Variants in HTR7 observed in about 807,000 individuals in gnomAD.
HTR7 encodes 5-hydroxytryptamine receptor 7.
In HTR7, 16 loss-of-function variants were observed where a neutral mutation model predicts 34.0. That is an observed-to-expected ratio of 0.47 (90% CI 0.32 to 0.71). The LOEUF (loss-of-function observed/expected upper bound fraction) is 0.71. HTR7 is among the 30% of genes least tolerant of loss of function. The probability of loss-of-function intolerance (pLI) is 0.04; values close to 1 mark genes in which losing one functional copy is unlikely to be tolerated. For missense variants in HTR7, 504 were observed against 625.5 expected (o/e 0.81, Z 2.07); for synonymous variants, 265 against 260.2 (o/e 1.02, Z -0.18).
At position 90,830,187 on chromosome 10, in the gene HTR7, C is replaced by T. The variant is rs540804842; in HGVS notation, c.539+26946G>A. Among the ~76,000 whole-genome samples the T allele has an allele frequency of 1.2e-3, 181 of 152,266 alleles. 1 individual carries two copies. The highest frequency in any genetic ancestry group is 4.2e-3 in the African/African-American group (173 of 41,540). ...TTGAATACCATTCAATAATTGTTAC[C>T]AATAAACTGTAACAACAGTCTTCCT... On this transcript the variant is annotated intron_variant, in intron 1 of 3. Coordinates refer to ENST00000336152, the MANE Select transcript of HTR7 (RefSeq NM_019859.4).
At position 90,857,963 on chromosome 10, in the gene HTR7, G is replaced by A. The variant is rs1463334451; in HGVS notation, c.-292C>T. 8.6e-5 allele frequency among the ~76,000 whole-genome samples: 13 copies of A among 151,112 alleles called. No individual in the cohort carries two copies. Among genetic ancestry groups the A allele is most frequent in the Admixed American group, 5.9e-4 (9 of 15,174 alleles). ...GAGGGAGCTCGGGCTGGGCTCCGCT[G>A]GCAGCTCCACAGTTCGCAGCAGCAG... On this transcript the variant is annotated 5_prime_UTR_variant, in exon 1 of 4. Coordinates refer to ENST00000336152, the MANE Select transcript of HTR7 (RefSeq NM_019859.4). This position sits in a 1 kb window ranked among gnomAD's most constrained non-coding sequence, Gnocchi z 6.5.
At chr10:90,751,888 A>G (rs544431526) in intron 1 of HTR7, among the ~76,000 whole-genome samples, 1 of 152,330 alleles carries the variant, frequency 6.6e-6, no homozygotes, top group African/African-American at 2.4e-5. Flanking sequence ...TACAGAATTC[A>G]CAAAGATTAA....
rs558411450 is a variant in HTR7 at position 90,819,886 on chromosome 10, C to A, written c.539+37247G>T. On this transcript the variant is annotated intron_variant, in intron 1 of 3. Transcript: ENST00000336152. ...AAAGAACATCTTTTAAATGTCAAAA[C>A]ATTTTTGTAACCCACATTTAGTAGT... is the stretch of plus-strand genomic sequence containing the variant. 2.1e-3 allele frequency among the ~76,000 whole-genome samples: 322 copies of A among 150,918 alleles called. 1 individual carries two copies. Among genetic ancestry groups the A allele is most frequent in the Middle Eastern group, 0.01 (3 of 294 alleles).
chr10:90,774,149 T>C (rs1331592136), intron 1 of HTR7, among the ~76,000 whole-genome samples: 1 of 152,160 alleles, frequency 6.6e-6, no homozygotes, highest in Non-Finnish European at 1.5e-5. Context: ...CAGGCCCATC[T>C]TGATCCAGGA....
chr10:90,800,576 C>G (rs1417142077), intron 1 of HTR7, among the ~76,000 whole-genome samples: 2 of 151,642 alleles, frequency 1.3e-5, no homozygotes, highest in Non-Finnish European at 2.9e-5. Flanking sequence ...ATTAATCATT[C>G]CTTCACCCCC....
At position 90,804,272 on chromosome 10, in the gene HTR7, G is replaced by A. The variant is rs116508840; in HGVS notation, c.539+52861C>T. Among the ~76,000 whole-genome samples the A allele has an allele frequency of 9.3e-4, 141 of 152,156 alleles. 1 individual carries two copies. The highest frequency in any genetic ancestry group is 3.2e-3 in the African/African-American group (131 of 41,506). On this transcript the variant is annotated intron_variant, in intron 1 of 3. Coordinates refer to ENST00000336152, the MANE Select transcript of HTR7 (RefSeq NM_019859.4). ...AAAACCTCCACGTTCACCATCCTTC[G>A]AGTCTGTGTGACATGATTCTTCCTG...
intron 1 of HTR7, among the ~76,000 whole-genome samples, chr10:90,763,602 GCTCT>G (rs1381954839): frequency 1.3e-5 from 2 of 152,058 alleles, no homozygotes; most frequent in African/African-American, 2.4e-5. Context: ...TTCTCCTAAT[GCTCT>G]CCCTCCTCTT....
chr10:90,769,957 C>T (rs548445498), intron 1 of HTR7, among the ~76,000 whole-genome samples: 3 of 152,258 alleles, frequency 2.0e-5, no homozygotes, highest in Non-Finnish European at 4.4e-5. Context: ...CAAGGAGGTG[C>T]GAGTGGTGGC....
chr10:90,853,327 C>A (rs1484220732), intron 1 of HTR7, among the ~76,000 whole-genome samples: 2 of 148,916 alleles, frequency 1.3e-5, no homozygotes, highest in Non-Finnish European at 3.0e-5. Flanking sequence ...ACTCTATTGC[C>A]CAGGCTAGAG....
chr10:90,771,699 A>G (rs1845115268), intron 1 of HTR7, among the ~76,000 whole-genome samples: 1 of 151,866 alleles, frequency 6.6e-6, no homozygotes, highest in African/African-American at 2.4e-5. Flanking sequence ...CCCCACATTC[A>G]CTCACACACC....
intron 1 of HTR7, among the ~76,000 whole-genome samples, chr10:90,773,464 A>T (rs1845151418): frequency 1.1e-5 from 1 of 90,716 alleles, no homozygotes; most frequent in South Asian, 3.3e-4. Context: ...TGTGTTACAA[A>T]CAATCTACTG....
intron 1 of HTR7, among the ~76,000 whole-genome samples, chr10:90,785,006 G>A (rs530698471): frequency 6.6e-6 from 1 of 152,292 alleles, no homozygotes; most frequent in South Asian, 2.1e-4. Flanking sequence ...CAGCTAGGAT[G>A]CCGTGTCCTC....
intron 1 of HTR7, among the ~76,000 whole-genome samples, chr10:90,803,591 T>A (rs1384685824): frequency 6.6e-6 from 1 of 152,160 alleles, no homozygotes; most frequent in East Asian, 1.9e-4. Flanking sequence ...GAGACCGCCT[T>A]TTCCTGAGTC....
chr10:90,802,115 G>A (rs978529064), intron 1 of HTR7, among the ~76,000 whole-genome samples: 4 of 152,126 alleles, frequency 2.6e-5, no homozygotes, highest in African/African-American at 9.7e-5. Context: ...TGACTAGACC[G>A]GTGTCTGTTT....
At chr10:90,825,983 C>T (rs1033625320) in intron 1 of HTR7, among the ~76,000 whole-genome samples, 13 of 152,036 alleles carry the variant, frequency 8.6e-5, no homozygotes, top group African/African-American at 3.1e-4. Context: ...CTAGAGAAAG[C>T]TATCAATATC....
intron 1 of HTR7, among the ~76,000 whole-genome samples, chr10:90,789,942 G>A (rs75717118): frequency 0.016 from 2,474 of 152,166 alleles, 81 homozygotes; most frequent in African/African-American, 0.055. Context: ...TGCAAAAAGC[G>A]TTCCATAAAG....
chr10:90,797,888 G>C (rs1845565747), intron 1 of HTR7, among the ~76,000 whole-genome samples: 1 of 152,192 alleles, frequency 6.6e-6, no homozygotes, highest in Admixed American at 6.5e-5. Flanking sequence ...ACTCATATCT[G>C]GCAAGAGCCT....
chr10:90,812,770 ATTTTG>A (rs890542217), intron 1 of HTR7, among the ~76,000 whole-genome samples: 29 of 151,938 alleles, frequency 1.9e-4, no homozygotes, highest in African/African-American at 7.0e-4. Flanking sequence ...CTTCAACACT[ATTTTG>A]TTTTATTTTT....
chr10:90,819,983 T>A (rs1231156433), intron 1 of HTR7, among the ~76,000 whole-genome samples: 2 of 152,210 alleles, frequency 1.3e-5, no homozygotes, highest in South Asian at 4.1e-4. Flanking sequence ...GCTTAAATGC[T>A]CTTAAGTAAA....
Sources: gnomAD v4.1 joint callset for allele counts (sites outside exome capture counted in the v4.1 genomes callset) on GRCh38, gnomAD v4.1.1 for gene constraint, Gnocchi (gnomAD v3.1) non-coding constraint, MANE v1.5 for transcripts, NCBI Gene and HGNC (gene_info 2026-07-23, HGNC 2026-07-21) for gene names.